RBMS3: variants seen among roughly 807,000 people sequenced by gnomAD.
The protein encoded by RBMS3 is RNA-binding motif, single-stranded-interacting protein 3.
A neutral mutation model predicts 66.8 loss-of-function variants in RBMS3; 27 were observed. The observed-to-expected ratio is 0.40, with a 90% confidence interval of 0.30 to 0.56. The LOEUF (loss-of-function observed/expected upper bound fraction) is 0.56, where lower values mean the gene tolerates loss of function less well. RBMS3 is among the 20% of genes least tolerant of loss of function. RBMS3 has a pLI of 0.40. For synonymous variants in RBMS3, 188 were observed against 183.0 expected, an observed-to-expected ratio of 1.03 and a Z score of -0.22; for missense variants, 513 against 549.5, an observed-to-expected ratio of 0.93 and a Z score of 0.66.
At chr3:29,562,754 C>T (rs1407791295) in intron 3 of RBMS3, among the ~76,000 whole-genome samples, 1 of 152,158 alleles carries the variant, frequency 6.6e-6, no homozygotes, top group Non-Finnish European at 1.5e-5. Flanking sequence ...GCATGTATCC[C>T]AGCCTAGCTA....
At position 29,842,236 on chromosome 3, in the gene RBMS3, T is replaced by C. The variant is rs2058678363; in HGVS notation, c.638-26622T>C. 3.3e-5 allele frequency among the ~76,000 whole-genome samples: 5 copies of C among 152,274 alleles called. No individual in the cohort carries two copies. The South Asian group carries it at 1.0e-3, about 32-fold the overall frequency. On this transcript the variant is annotated intron_variant, in intron 6 of 14. Coordinates refer to ENST00000383767, the MANE Select transcript of RBMS3 (RefSeq NM_001003793.3). ...TAATTGCATTCTGGGACCAAATCTA[T>C]TTTGAAAAATGTTTTTCTTGCATCT...
chr3:29,639,979 G>A (rs1559529268), intron 4 of RBMS3, among the ~76,000 whole-genome samples: 1 of 151,786 alleles, frequency 6.6e-6, no homozygotes, highest in African/African-American at 2.4e-5. Flanking sequence ...GCTATAATGT[G>A]TTGTCCTGAA....
chr3:29,296,879 C>CT (rs11400570), intron 1 of RBMS3, among the ~76,000 whole-genome samples: 37,649 of 146,938 alleles, frequency 0.26, 4,755 homozygotes, highest in Admixed American at 0.33. Flanking sequence ...AAAAGATGAC[C>CT]TTTTTTTTTT....
At chr3:29,920,055 A>G (rs1283567623) in intron 10 of RBMS3, among the ~76,000 whole-genome samples, 1 of 152,152 alleles carries the variant, frequency 6.6e-6, no homozygotes, top group Non-Finnish European at 1.5e-5. Flanking sequence ...AAATTGTCGC[A>G]TGACTATTTA....
chr3:29,508,612 T>G (rs927860210), intron 3 of RBMS3, among the ~76,000 whole-genome samples: 1 of 152,184 alleles, frequency 6.6e-6, no homozygotes, highest in East Asian at 1.9e-4. Context: ...GATGGGCATT[T>G]GGGCTGGTTT....
At chr3:29,557,501 T>A (rs1429165423) in intron 3 of RBMS3, among the ~76,000 whole-genome samples, 1 of 152,182 alleles carries the variant, frequency 6.6e-6, no homozygotes, top group African/African-American at 2.4e-5. Flanking sequence ...AAAAGGAGAC[T>A]TAGTAGGAGC....
intron 12 of RBMS3, among the ~76,000 whole-genome samples, chr3:29,955,544 GT>G (rs911884452): frequency 6.6e-6 from 1 of 152,026 alleles, no homozygotes; most frequent in Non-Finnish European, 1.5e-5. Flanking sequence ...AAAAAAAGCT[GT>G]TTTACCTGGA....
intron 1 of RBMS3, among the ~76,000 whole-genome samples, chr3:29,324,224 G>T (rs2035185093): frequency 2.6e-5 from 4 of 152,272 alleles, no homozygotes; most frequent in Middle Eastern, 6.8e-3. Flanking sequence ...GACCCAGTTA[G>T]AACCAGCAGT....
intron 10 of RBMS3, among the ~76,000 whole-genome samples, chr3:29,911,442 G>A (rs78222532): frequency 0.018 from 2,711 of 152,082 alleles, 29 homozygotes; most frequent in Middle Eastern, 0.027. Flanking sequence ...ATTAAACATG[G>A]CATCTTCTCC....
Position 29,485,975 on chromosome 3 carries a change from A to AATT in RBMS3, c.249-2465_249-2463dup, listed in dbSNP as rs567807081. On this transcript the variant is annotated intron_variant, in intron 2 of 14. Coordinates refer to ENST00000383767, the MANE Select transcript of RBMS3 (RefSeq NM_001003793.3). Reference sequence around the variant, plus strand: ...TGAAGGCATACTTTTTTACTTCAGAAATTTTTATTTTCCTTCGGAGTGTAT... The same window carrying AATT: ...TGAAGGCATACTTTTTTACTTCAGAAATTATTTTTATTTTCCTTCGGAGTGTAT... Among the ~76,000 whole-genome samples, 9 of 152,274 alleles carry AATT rather than the reference A, an allele frequency of 5.9e-5. No homozygotes were observed. In the East Asian group the frequency reaches 1.2e-3, roughly 20 times the overall value.
At chr3:29,709,980 A>G (rs74593920) in intron 4 of RBMS3, among the ~76,000 whole-genome samples, 4,293 of 152,280 alleles carry the variant, frequency 0.028, 88 homozygotes, top group Admixed American at 0.064. Flanking sequence ...TGAGGAGAAA[A>G]AACACGTTAC....
intron 10 of RBMS3, among the ~76,000 whole-genome samples, chr3:29,911,795 T>C (rs907159566): frequency 2.0e-5 from 3 of 151,964 alleles, no homozygotes; most frequent in African/African-American, 7.2e-5. Flanking sequence ...TCTACATGAG[T>C]TTCTTTTTTC....
At chr3:29,329,092 T>C (rs2035503965) in intron 1 of RBMS3, among the ~76,000 whole-genome samples, 1 of 152,182 alleles carries the variant, frequency 6.6e-6, no homozygotes, top group Admixed American at 6.5e-5. Context: ...CAGTGTTTAA[T>C]GCCACTATAC....
chr3:29,853,487 C>T (rs1460491125), intron 6 of RBMS3, among the ~76,000 whole-genome samples: 2 of 123,474 alleles, frequency 1.6e-5, no homozygotes, highest in African/African-American at 6.4e-5. Context: ...AGCTCCCATA[C>T]AAAGGGAGAG....
intron 4 of RBMS3, among the ~76,000 whole-genome samples, chr3:29,695,985 C>T (rs2052255313): frequency 6.6e-6 from 1 of 152,180 alleles, no homozygotes; most frequent in African/African-American, 2.4e-5. Context: ...GGTCACTAAA[C>T]CAAGACCAGG....
chr3:29,961,608 A>G (rs1696453153), intron 12 of RBMS3, among the ~76,000 whole-genome samples: 1 of 152,124 alleles, frequency 6.6e-6, no homozygotes, highest in Non-Finnish European at 1.5e-5. Context: ...AGGCCTCGGG[A>G]AACTTACAAC....
At chr3:29,346,675 G>A (rs1178692816) in intron 1 of RBMS3, among the ~76,000 whole-genome samples, 2 of 152,022 alleles carry the variant, frequency 1.3e-5, no homozygotes, top group Non-Finnish European at 2.9e-5. Flanking sequence ...TTACAGGCGT[G>A]AGCCACCGCG....
chr3:29,894,135 G>A (rs2060067297), intron 8 of RBMS3, among the ~76,000 whole-genome samples: 1 of 151,504 alleles, frequency 6.6e-6, no homozygotes, highest in South Asian at 2.1e-4. Flanking sequence ...GTTCTGAATG[G>A]TAGAAATTCA....
At chr3:29,865,124 G>GGAAGGAAGGAAGGAAGGAAA (rs1294566084) in intron 6 of RBMS3, among the ~76,000 whole-genome samples, 19 of 151,156 alleles carry the variant, frequency 1.3e-4, no homozygotes, top group African/African-American at 4.7e-4. Flanking sequence ...AAGGAAGGAA[G>GGAAGGAAGGAAGGAAGGAAA]GAAGGAAGGA....
Sources: allele counts gnomAD v4.1 joint callset (sites outside exome capture counted in the v4.1 genomes callset), GRCh38; gene constraint gnomAD v4.1.1; transcripts MANE v1.5; gene names NCBI Gene and HGNC (gene_info 2026-07-23, HGNC 2026-07-21).